The following CHI3L2 variants were observed in gnomAD, a reference collection of about 807,000 sequenced individuals.
The protein encoded by CHI3L2 is chitinase-3-like protein 2.
In CHI3L2, 47 loss-of-function variants were observed where a neutral mutation model predicts 47.3. The ratio of observed to expected loss-of-function variants is 0.99; its 90% confidence interval spans 0.79 to 1.27. The LOEUF (loss-of-function observed/expected upper bound fraction) is 1.27, where lower values mean the gene tolerates loss of function less well. Among genes scored for constraint, CHI3L2 ranks in the 50% most tolerant of loss-of-function variants. The probability of loss-of-function intolerance (pLI) is 0.00; values close to 1 mark genes in which losing one functional copy is unlikely to be tolerated. For synonymous variants in CHI3L2, 198 were observed against 169.9 expected (o/e 1.17, Z -1.28); for missense variants, 497 against 462.1 (o/e 1.08, Z -0.69).
intron 10 of CHI3L2, 39 bp downstream of exon 10, chr1:111,242,405 T>G: frequency 1.3e-6 from 2 of 1,561,514 alleles, no homozygotes; most frequent in Non-Finnish European, 1.7e-6. Context: ...GGCAGACAGC[T>G]GGGCAGAACA....
intron 4 of CHI3L2, among the ~76,000 whole-genome samples, chr1:111,232,552 G>A (rs527845452): frequency 1.3e-5 from 2 of 152,264 alleles, no homozygotes; most frequent in Admixed American, 6.5e-5. Context: ...AATAATAACA[G>A]AATTTACCTC....
At chr1:111,228,459 C>T (rs1286384858) in intron 1 of CHI3L2, among the ~76,000 whole-genome samples, 1 of 152,226 alleles carries the variant, frequency 6.6e-6, no homozygotes, top group Non-Finnish European at 1.5e-5. Flanking sequence ...CCCTGTTGAA[C>T]TTAGCTGAGC....
chr1:111,233,801 G>A (rs1659798269), intron 4 of CHI3L2, among the ~76,000 whole-genome samples: 1 of 152,018 alleles, frequency 6.6e-6, no homozygotes, highest in Non-Finnish European at 1.5e-5. Context: ...CCGTGTCTGT[G>A]TAGAAAGAAG....
At chr1:111,229,454 G>A (rs1223510940) in intron 1 of CHI3L2, among the ~76,000 whole-genome samples, 6 of 151,486 alleles carry the variant, frequency 4.0e-5, no homozygotes, top group African/African-American at 1.2e-4. Flanking sequence ...AGGCCGAGGC[G>A]GGCGGATCAC....
At chr1:111,241,580 C>G in intron 9 of CHI3L2, 137 bp downstream of exon 9, 1 of 615,888 alleles carries the variant, frequency 1.6e-6, no homozygotes, top group South Asian at 2.0e-5. Flanking sequence ...CTTTATAGCT[C>G]AAGTCTAGTA....
chr1:111,241,054 G>A lies in CHI3L2; in HGVS notation c.919-273G>A, dbSNP rs541527064. Reference sequence around the variant, plus strand: ...GAAGAAATTGGAAGATTTATTGGTCGGTGCTGGGGTCTGATCTGGAACTCA... The same window carrying A: ...GAAGAAATTGGAAGATTTATTGGTCAGTGCTGGGGTCTGATCTGGAACTCA... On this transcript the variant is annotated intron_variant, in intron 8 of 10. Transcript: ENST00000369748. Among the ~76,000 whole-genome samples, 195 of 152,202 alleles carry A rather than the reference G, an allele frequency of 1.3e-3. 9 individuals are homozygous for A. The South Asian group carries it at 0.038, about 30-fold the overall frequency.
chr1:111,229,496 A>C lies in CHI3L2; in HGVS notation c.41-356A>C, dbSNP rs538447177. Among the ~76,000 whole-genome samples, 12 of 150,542 alleles carry C rather than the reference A, an allele frequency of 8.0e-5. No individual in the cohort carries two copies. In the South Asian group the frequency reaches 1.5e-3, roughly 19 times the overall value. ...AGGAGATCGAGACCATCCCGGCTAAAACGGTGAAACCCCGTCTCTACTAAA... is the reference window on the plus strand; with the variant it reads ...AGGAGATCGAGACCATCCCGGCTAACACGGTGAAACCCCGTCTCTACTAAA... On this transcript the variant is annotated intron_variant, in intron 1 of 10. Transcript: ENST00000369748.
At position 111,229,631 on chromosome 1, in the gene CHI3L2, G is replaced by A. The variant is rs574011595; in HGVS notation, c.41-221G>A. 349 of 487,288 alleles carry A rather than the reference G, an allele frequency of 7.2e-4. 5 individuals carry two copies. The African/African-American group carries it at 8.4e-3, about 12-fold the overall frequency. The allele number at this position is 487,288 out of a possible 1,614,324, so 30.2% of individuals were successfully genotyped here. ...CGGGAGGCGGAGCTTGCAGTGAGCCGAGATCACACCACTGCACTCCAGCCT... is the reference window on the plus strand; with the variant it reads ...CGGGAGGCGGAGCTTGCAGTGAGCCAAGATCACACCACTGCACTCCAGCCT... On this transcript the variant is annotated intron_variant, in intron 1 of 10. Coordinates refer to ENST00000369748, the MANE Select transcript of CHI3L2 (RefSeq NM_004000.3).
chr1:111,238,696 T>C (rs1042437212), intron 7 of CHI3L2, 54 bp from the exon 8 acceptor site: 1 of 1,584,628 alleles, frequency 6.3e-7, no homozygotes, highest in African/African-American at 1.3e-5. Context: ...CTAAAAAAGG[T>C]CTGACACCTT....
rs1660079997 is a variant in CHI3L2, at chr1:111,242,235, C to G, written c.1044C>G (p.Phe348Leu). 1.2e-6 allele frequency: 2 copies of G among 1,614,040 alleles called. No individual in the cohort carries two copies. The highest frequency in any genetic ancestry group is 1.7e-6 in the Non-Finnish European group (2 of 1,180,002). Residue 348 changes from phenylalanine to leucine, a missense_variant, in exon 10 of 11, where the codon TTC (phenylalanine) becomes TTG (leucine). Coordinates refer to ENST00000369748, the MANE Select transcript of CHI3L2 (RefSeq NM_004000.3). The part of the protein sequence containing the change: ...DVKSMETKVQ[F>L]LKNLNLGGAM... Reference sequence around the variant, plus strand: ...TTCTGTGTCTCCCATAGGTTCAGTTCTTAAAGAATTTAAACCTGGGAGGAG... The same window carrying G: ...TTCTGTGTCTCCCATAGGTTCAGTTGTTAAAGAATTTAAACCTGGGAGGAG...
chr1:111,236,168 G>A lies in CHI3L2; in HGVS notation c.735+15G>A. On this transcript the variant is annotated intron_variant, in intron 7 of 10. Transcript: ENST00000369748. ...ACTACAATGTGGTGAGTAGGCCAGGGGAACCGCAGGGGTACTGGCTGTGGG... is the reference window on the plus strand; with the variant it reads ...ACTACAATGTGGTGAGTAGGCCAGGAGAACCGCAGGGGTACTGGCTGTGGG... 1 of 1,613,738 alleles carries A rather than the reference G, an allele frequency of 6.2e-7. No homozygotes were observed. Among genetic ancestry groups the A allele is most frequent in the Non-Finnish European group, 8.5e-7 (1 of 1,179,744 alleles).
intron 5 of CHI3L2, 107 bp from the exon 6 acceptor site, chr1:111,235,532 C>T: frequency 7.7e-7 from 1 of 1,303,508 alleles, no homozygotes. Flanking sequence ...AAGGGTTGAT[C>T]CTTTCCATCT....
chr1:111,231,365 TAAG>T, intron 4 of CHI3L2, 71 bp downstream of exon 4: 1 of 1,178,534 alleles, frequency 8.5e-7, no homozygotes, highest in Non-Finnish European at 1.3e-6. Flanking sequence ...TTCCTCCTTC[TAAG>T]AAGAGATATT....
In CHI3L2 at chr1:111,231,285, G is replaced by C; in HGVS notation, c.320G>C (p.Gly107Ala). ...ILLSIGGYLF[G>A]SKGFHPMVDS... ...TTGTCCATTGGAGGGTACCTGTTTG[G>C]TTCCAAAGGGTAAGACTACATCTTT... Residue 107 changes from glycine (G) to alanine (A), a missense_variant, in exon 4 of 11, where the codon GGT becomes GCT. Gly to Ala is a moderately conservative substitution (Grantham distance 60). Coordinates refer to ENST00000369748, the MANE Select transcript of CHI3L2 (RefSeq NM_004000.3). The C allele has an allele frequency of 6.2e-7, 1 of 1,608,760 alleles. No homozygotes were observed. The highest frequency in any genetic ancestry group is 8.5e-7 in the Non-Finnish European group (1 of 1,175,498).
chr1:111,228,309 C>T (rs1041319760), intron 1 of CHI3L2, among the ~76,000 whole-genome samples: 9 of 151,940 alleles, frequency 5.9e-5, no homozygotes, highest in African/African-American at 1.7e-4. Context: ...TATGAGTGAA[C>T]GGGGGACGTT....
At chr1:111,235,092 A>G in intron 5 of CHI3L2, 35 bp downstream of exon 5, 2 of 1,607,334 alleles carry the variant, frequency 1.2e-6, no homozygotes, top group Non-Finnish European at 1.7e-6. Flanking sequence ...TGTGAGTCAG[A>G]TGCCACGGTG....
At chr1:111,231,033 A>G (rs1557706917) in intron 3 of CHI3L2, 90 bp downstream of exon 3, 2 of 1,058,934 alleles carry the variant, frequency 1.9e-6, no homozygotes, top group Non-Finnish European at 2.9e-6. Context: ...TATCTCATTC[A>G]TTCATTCATT....
chr1:111,239,750 A>T (rs12032329), intron 8 of CHI3L2, among the ~76,000 whole-genome samples: 13,472 of 152,198 alleles, frequency 0.089, 941 homozygotes, highest in East Asian at 0.35. Context: ...ATCTGGGAAA[A>T]TTTATTTAAA....
chr1:111,242,421 CA>C, intron 10 of CHI3L2, 55 bp downstream of exon 10: 1 of 1,516,954 alleles, frequency 6.6e-7, no homozygotes, highest in Non-Finnish European at 8.8e-7. Flanking sequence ...GAACAGGGCA[CA>C]GGAGACTGGG....
Sources: gnomAD v4.1 joint callset for allele counts (sites outside exome capture counted in the v4.1 genomes callset) on GRCh38, gnomAD v4.1.1 for gene constraint, MANE v1.5 for transcripts, NCBI Gene and HGNC (gene_info 2026-07-23, HGNC 2026-07-21) for gene names.